The following TMEM178B variants were observed in gnomAD, a reference collection of about 807,000 sequenced individuals.
TMEM178B encodes the protein transmembrane protein 178B.
Under a neutral mutation model 31.0 loss-of-function variants are expected in TMEM178B, and 5 were observed. That is an observed-to-expected ratio of 0.16 (90% CI 0.08 to 0.34). The LOEUF (loss-of-function observed/expected upper bound fraction) is 0.34. Among genes scored for constraint, TMEM178B ranks in the 10% least tolerant of loss-of-function variants. The pLI, the probability that TMEM178B is intolerant of heterozygous loss-of-function variation, is 1.00. For missense variants in TMEM178B, 275 were observed against 400.3 expected (o/e 0.69, Z 2.67); for synonymous variants, 164 against 164.0 (o/e 1.00, Z 0.00).
rs533883807 is a variant in TMEM178B, at chr7:141,458,791, A to C, written c.635-11745A>C. On this transcript the variant is annotated intron_variant, in intron 3 of 3. Transcript: ENST00000565468. ...TATTCTGATGCTGAAGTCCTGCAAA[A>C]AAAGAAAACTGCTTTCCAAAATCCA... Among the ~76,000 whole-genome samples the C allele has an allele frequency of 2.0e-5, 3 of 152,322 alleles. No individual in the cohort carries two copies. In the East Asian group the frequency reaches 5.8e-4, roughly 29 times the overall value.
At chr7:141,398,405 T>C (rs564114612) in intron 2 of TMEM178B, among the ~76,000 whole-genome samples, 3 of 152,260 alleles carry the variant, frequency 2.0e-5, no homozygotes, top group African/African-American at 7.2e-5. Context: ...CTCCTATGCC[T>C]TGGAGTCTGG....
intron 1 of TMEM178B, among the ~76,000 whole-genome samples, chr7:141,183,301 G>A (rs1249932346): frequency 6.6e-6 from 1 of 152,170 alleles, no homozygotes; most frequent in Non-Finnish European, 1.5e-5. Flanking sequence ...TCATTAGAAT[G>A]TTCCCTCTCA....
rs541066276 is a variant in TMEM178B, at chr7:141,344,569, C to CT, written c.497-93038dup. ...TCTCCCTCCCTCCCTCCATTCCTCC[C>CT]TCCTCCCTTCCTTCCTTCCTTCCTT... is the stretch of plus-strand genomic sequence containing the variant. On this transcript the variant is annotated intron_variant, in intron 2 of 3. Transcript: ENST00000565468. This position sits in a 1 kb window ranked among gnomAD's most constrained non-coding sequence, Gnocchi z 4.1. 3.5e-5 allele frequency among the ~76,000 whole-genome samples: 5 copies of CT among 142,210 alleles called. No individual in the cohort carries two copies. The highest frequency in any genetic ancestry group is 7.2e-5 in the Admixed American group (1 of 13,978). The allele number at this position is 142,210 out of a possible 152,430, so 93.3% of individuals were successfully genotyped here. A position where few individuals can be genotyped will look rare whatever the true frequency, so the allele number is the denominator to read the frequency against.
At chr7:141,414,009 A>G (rs1483459339) in intron 2 of TMEM178B, among the ~76,000 whole-genome samples, 1 of 152,002 alleles carries the variant, frequency 6.6e-6, no homozygotes, top group Non-Finnish European at 1.5e-5. Context: ...CGTATCCAGG[A>G]GCAGATAAAA....
At chr7:141,335,435 G>A (rs895422166) in intron 2 of TMEM178B, among the ~76,000 whole-genome samples, 1 of 152,164 alleles carries the variant, frequency 6.6e-6, no homozygotes, top group African/African-American at 2.4e-5. Context: ...TGGGTCTTGA[G>A]AACAGATGGG....
rs180786187 is a variant in TMEM178B, at chr7:141,468,789, T to G, written c.635-1747T>G. ...GAGAAAGGAGAATAGCTCTCTCTCT[T>G]GCAGAGAGAGAAGGGTGCCCAAGTG... On this transcript the variant is annotated intron_variant, in intron 3 of 3. Coordinates refer to ENST00000565468, the MANE Select transcript of TMEM178B (RefSeq NM_001195278.2). 4.2e-3 allele frequency among the ~76,000 whole-genome samples: 634 copies of G among 152,210 alleles called. 4 individuals are homozygous for G. Among genetic ancestry groups the G allele is most frequent in the African/African-American group, 0.014 (587 of 41,518 alleles).
chr7:141,334,077 G>A (rs1799341998), intron 2 of TMEM178B, among the ~76,000 whole-genome samples: 1 of 152,336 alleles, frequency 6.6e-6, no homozygotes, highest in Non-Finnish European at 1.5e-5. Context: ...GGCTGAAAGA[G>A]TTGAGGAAGC....
chr7:141,275,704 C>G (rs1158705966), intron 2 of TMEM178B, among the ~76,000 whole-genome samples: 6 of 152,174 alleles, frequency 3.9e-5, no homozygotes, highest in Non-Finnish European at 7.3e-5. Context: ...ACTATGCTTT[C>G]TTTAATTTCA....
At chr7:141,139,234 A>T (rs1305144768) in intron 1 of TMEM178B, among the ~76,000 whole-genome samples, 1 of 152,252 alleles carries the variant, frequency 6.6e-6, no homozygotes, top group Non-Finnish European at 1.5e-5. Flanking sequence ...TGAATATGCA[A>T]AGATGAGTTT....
chr7:141,339,265 G>A (rs1799476387), intron 2 of TMEM178B, among the ~76,000 whole-genome samples: 1 of 152,168 alleles, frequency 6.6e-6, no homozygotes, highest in Non-Finnish European at 1.5e-5. Context: ...TTTCCACACT[G>A]GACAGCTCAC....
intron 2 of TMEM178B, chr7:141,352,859 G>T (rs1799758739): frequency 6.6e-6 from 1 of 152,272 alleles, no homozygotes; most frequent in South Asian, 2.1e-4. Flanking sequence ...AAAAAAAAGA[G>T]ACTTGAGAAC....
chr7:141,501,847 G>GCTCTCT, the TMEM178B span, among the ~76,000 whole-genome samples: 2,918 of 148,824 alleles, frequency 0.02, 56 homozygotes, highest in African/African-American at 0.053. Context: ...AGTCTCTCAT[G>GCTCTCT]CTCTCTCTCT....
chr7:141,104,953 G>A (rs146852795), intron 1 of TMEM178B, among the ~76,000 whole-genome samples: 3 of 152,278 alleles, frequency 2.0e-5, no homozygotes, highest in Non-Finnish European at 4.4e-5. Context: ...ATACAATTTG[G>A]TCATAACATG....
downstream of TMEM178B, chr7:141,480,438 T>C (rs1173596142): frequency 6.6e-6 from 1 of 152,190 alleles, no homozygotes; most frequent in African/African-American, 2.4e-5. Context: ...GCTGCAGTGT[T>C]TGATGGTGAA....
intron 1 of TMEM178B, among the ~76,000 whole-genome samples, chr7:141,159,323 A>C (rs918592083): frequency 6.6e-6 from 1 of 152,162 alleles, no homozygotes; most frequent in African/African-American, 2.4e-5. Flanking sequence ...CCTGCTCAAA[A>C]CTGTCAAATG....
intron 2 of TMEM178B, among the ~76,000 whole-genome samples, chr7:141,335,917 G>A (rs143196100): frequency 1.5e-4 from 23 of 152,282 alleles, no homozygotes; most frequent in African/African-American, 4.6e-4. Context: ...GGCTCTATGC[G>A]TGAAGTTGAG....
chr7:141,158,320 T>A (rs1245923248), intron 1 of TMEM178B, among the ~76,000 whole-genome samples: 2 of 152,164 alleles, frequency 1.3e-5, no homozygotes, highest in African/African-American at 4.8e-5. Flanking sequence ...GCTCTCGAAC[T>A]CCTGACCTCA....
chr7:141,077,458 A>G (rs1483542467), intron 1 of TMEM178B, among the ~76,000 whole-genome samples: 1 of 152,234 alleles, frequency 6.6e-6, no homozygotes, highest in African/African-American at 2.4e-5. Flanking sequence ...ACATAAAACC[A>G]CATAATTAAT....
intron 2 of TMEM178B, among the ~76,000 whole-genome samples, chr7:141,225,441 A>G (rs1188465708): frequency 2.0e-5 from 3 of 151,290 alleles, no homozygotes; most frequent in Admixed American, 6.6e-5. Flanking sequence ...TTTTTTTTCT[A>G]TTCCTTTTCA....
Sources: allele counts gnomAD v4.1 joint callset (sites outside exome capture counted in the v4.1 genomes callset), GRCh38; gene constraint gnomAD v4.1.1; non-coding constraint Gnocchi (gnomAD v3.1); transcripts MANE v1.5; gene names NCBI Gene and HGNC (gene_info 2026-07-23, HGNC 2026-07-21).